FOXN3: variants seen among roughly 807,000 people sequenced by gnomAD.
FOXN3 encodes the protein forkhead box N3.
Under a neutral mutation model 38.4 loss-of-function variants are expected in FOXN3, and 7 were observed. The observed-to-expected ratio is 0.18, with a 90% CI of 0.10 to 0.34. The LOEUF (loss-of-function observed/expected upper bound fraction) is 0.34. FOXN3 is among the 10% of genes least tolerant of loss of function. The probability of loss-of-function intolerance (pLI) is 1.00; values close to 1 mark genes in which losing one functional copy is unlikely to be tolerated. For missense variants in FOXN3, 456 were observed against 613.4 expected, an observed-to-expected ratio of 0.74 and a Z score of 2.71; for synonymous variants, 230 against 242.2, an observed-to-expected ratio of 0.95 and a Z score of 0.47.
intron 1 of FOXN3, among the ~76,000 whole-genome samples, chr14:89,434,817 T>A (rs1455917841): frequency 2.6e-5 from 4 of 152,230 alleles, no homozygotes; most frequent in Non-Finnish European, 5.9e-5. Context: ...CACAGACATT[T>A]GACAAGAAAC....
intron 2 of FOXN3, chr14:89,355,312 C>T (rs1224534852): frequency 6.6e-6 from 1 of 151,908 alleles, no homozygotes; most frequent in African/African-American, 2.4e-5. Context: ...ACTGCAACCT[C>T]CGCCTCCCGG....
intron 1 of FOXN3, among the ~76,000 whole-genome samples, chr14:89,429,193 A>C (rs1449615775): frequency 6.6e-6 from 1 of 152,158 alleles, no homozygotes; most frequent in African/African-American, 2.4e-5. Context: ...CCCTTTGTAG[A>C]AAAAATGCAG....
chr14:89,382,466 A>T (rs3783851), intron 2 of FOXN3, among the ~76,000 whole-genome samples: 120,011 of 152,118 alleles, frequency 0.79, 47,529 homozygotes, highest in South Asian at 0.87. Flanking sequence ...TCTTATGCCA[A>T]CCCATCTCTG....
At chr14:89,581,263 C>A (rs1380205671) in intron 1 of FOXN3, among the ~76,000 whole-genome samples, 1 of 151,946 alleles carries the variant, frequency 6.6e-6, no homozygotes, top group Non-Finnish European at 1.5e-5. Context: ...GGGAGTATCA[C>A]CTGAGGTCAG....
chr14:89,506,008 C>A (rs1382411839), intron 1 of FOXN3, among the ~76,000 whole-genome samples: 12 of 149,992 alleles, frequency 8.0e-5, no homozygotes, highest in African/African-American at 2.2e-4. Context: ...GCAGCCACCC[C>A]GTCCGGGAGG....
chr14:89,343,170 T>C (rs923906143), intron 3 of FOXN3, among the ~76,000 whole-genome samples: 26 of 152,242 alleles, frequency 1.7e-4, no homozygotes, highest in African/African-American at 6.3e-4. Context: ...ATCCAAGCAA[T>C]GAATAAGCTA....
intron 3 of FOXN3, among the ~76,000 whole-genome samples, chr14:89,326,251 C>T (rs983055059): frequency 4.6e-5 from 7 of 152,196 alleles, no homozygotes; most frequent in African/African-American, 1.7e-4. Context: ...GAAGCCTTTA[C>T]ATATTCTATC....
intron 1 of FOXN3, among the ~76,000 whole-genome samples, chr14:89,587,981 G>A (rs759956349): frequency 5.3e-5 from 8 of 151,328 alleles, no homozygotes; most frequent in African/African-American, 9.7e-5. Flanking sequence ...GTTTGGATCT[G>A]TGTCCCCTCT....
chr14:89,542,702 T>C (rs1894815229), intron 1 of FOXN3, among the ~76,000 whole-genome samples: 1 of 152,222 alleles, frequency 6.6e-6, no homozygotes, highest in Non-Finnish European at 1.5e-5. Context: ...AGGAGATTTA[T>C]AATTTGAGAT....
At chr14:89,304,686 T>C (rs1887320659) in intron 3 of FOXN3, among the ~76,000 whole-genome samples, 1 of 152,124 alleles carries the variant, frequency 6.6e-6, no homozygotes, top group African/African-American at 2.4e-5. Context: ...AAGCAGAGTA[T>C]GGGCTTGGAA....
At chr14:89,213,587 T>C (rs1884168566) in intron 4 of FOXN3, among the ~76,000 whole-genome samples, 1 of 152,234 alleles carries the variant, frequency 6.6e-6, no homozygotes, top group Admixed American at 6.5e-5. Context: ...CTTATCATTA[T>C]AAGTCACCTC....
chr14:89,390,904 G>A (rs898195216), intron 2 of FOXN3, among the ~76,000 whole-genome samples: 1 of 152,198 alleles, frequency 6.6e-6, no homozygotes, highest in African/African-American at 2.4e-5. Context: ...ATTTAGGAAA[G>A]AGGGTCACTG....
At chr14:89,363,956 A>AT (rs1478131446) in intron 2 of FOXN3, among the ~76,000 whole-genome samples, 52 of 2,842 alleles carry the variant, frequency 0.018, 1 homozygote, top group African/African-American at 0.022. Flanking sequence ...AAATATATAT[A>AT]TATATATATA....
chr14:89,202,041 A>C (rs1888248769), intron 4 of FOXN3, among the ~76,000 whole-genome samples: 1 of 152,188 alleles, frequency 6.6e-6, no homozygotes, highest in African/African-American at 2.4e-5. Context: ...TCTCAGAGTG[A>C]CACTGGCAGG....
At chr14:89,171,492 G>C (rs2139784175) in intron 5 of FOXN3, among the ~76,000 whole-genome samples, 1 of 151,902 alleles carries the variant, frequency 6.6e-6, no homozygotes, top group Admixed American at 6.6e-5. Flanking sequence ...TATAAACAAA[G>C]ACACAAAATT....
Position 89,393,057 on chromosome 14 carries a change from G to A in FOXN3, c.543+18877C>T, listed in dbSNP as rs556904937. Among the ~76,000 whole-genome samples, 283 of 151,484 alleles carry A rather than the reference G, an allele frequency of 1.9e-3. 4 individuals are homozygous for A. The highest frequency in any genetic ancestry group is 6.3e-3 in the African/African-American group (261 of 41,226). Reference sequence around the variant, plus strand: ...CCTGACCTCGTGATCCGCCCACTTCGGCCTCCCACAGTGCTGGGGTTACAG... The same window carrying A: ...CCTGACCTCGTGATCCGCCCACTTCAGCCTCCCACAGTGCTGGGGTTACAG... On this transcript the variant is annotated intron_variant, in intron 2 of 5. Transcript: ENST00000557258.
chr14:89,303,438 C>G (rs1887278680), intron 3 of FOXN3, among the ~76,000 whole-genome samples: 1 of 150,596 alleles, frequency 6.6e-6, no homozygotes, highest in South Asian at 2.1e-4. Flanking sequence ...CACTGACGAT[C>G]TGATTCAGCT....
At chr14:89,314,551 C>A (rs1175072752) in intron 3 of FOXN3, among the ~76,000 whole-genome samples, 1 of 152,192 alleles carries the variant, frequency 6.6e-6, no homozygotes, top group African/African-American at 2.4e-5. Flanking sequence ...ACTAAAGATA[C>A]TTTTAGAAAA....
chr14:89,336,712 G>T (rs180870478), intron 3 of FOXN3, among the ~76,000 whole-genome samples: 1 of 152,184 alleles, frequency 6.6e-6, no homozygotes. Context: ...GAATGGTTTG[G>T]AGTCCAAAGC....
Sources: gnomAD v4.1 joint callset for allele counts (sites outside exome capture counted in the v4.1 genomes callset) on GRCh38, gnomAD v4.1.1 for gene constraint, MANE v1.5 for transcripts, NCBI Gene and HGNC (gene_info 2026-07-23, HGNC 2026-07-21) for gene names.